The following SLIT3 variants were observed in gnomAD, a reference collection of about 807,000 sequenced individuals.
The protein encoded by SLIT3 is slit guidance ligand 3.
In SLIT3, 68 loss-of-function variants were observed where a neutral mutation model predicts 184.0. That is an observed-to-expected ratio of 0.37 (90% confidence interval 0.30 to 0.45). The LOEUF (loss-of-function observed/expected upper bound fraction) is 0.45, where lower values mean the gene tolerates loss of function less well. Ranked by LOEUF, SLIT3 falls within the 20% of genes least tolerant of loss-of-function variation. SLIT3 has a pLI of 1.00. For missense variants in SLIT3, 1,707 were observed against 2,026.0 expected (o/e 0.84, Z 3.02); for synonymous variants, 831 against 828.6 (o/e 1.00, Z -0.05).
At position 169,128,225 on chromosome 5, in the gene SLIT3, A is replaced by ATT. The variant is rs552776172; in HGVS notation, c.413+65252_413+65253dup. Reference sequence around the variant, plus strand: ...ATTTTCTTTGGGACACGGGTCATGGATTATATATATACACACACACACATT... The same window carrying ATT: ...ATTTTCTTTGGGACACGGGTCATGGATTTTATATATATACACACACACACATT... On this transcript the variant is annotated intron_variant, in intron 4 of 35. Transcript: ENST00000519560. Among the ~76,000 whole-genome samples, 469 of 148,578 alleles carry ATT rather than the reference A, an allele frequency of 3.2e-3. 2 individuals carry two copies. The highest frequency in any genetic ancestry group is 0.011 in the African/African-American group (446 of 40,832).
chr5:169,001,524 T>C (rs998070902), intron 4 of SLIT3, among the ~76,000 whole-genome samples: 2 of 152,216 alleles, frequency 1.3e-5, no homozygotes, highest in South Asian at 2.1e-4. Flanking sequence ...TTTTGACTTG[T>C]TATGAGAGTG....
At chr5:169,236,411 C>G (rs1405839611) in intron 3 of SLIT3, among the ~76,000 whole-genome samples, 2 of 152,088 alleles carry the variant, frequency 1.3e-5, no homozygotes, top group Middle Eastern at 3.5e-3. Flanking sequence ...TGGGCATGCT[C>G]ATTGCTACTC....
intron 5 of SLIT3, among the ~76,000 whole-genome samples, chr5:168,881,111 C>G (rs1021002225): frequency 6.6e-6 from 1 of 152,130 alleles, no homozygotes; most frequent in African/African-American, 2.4e-5. Flanking sequence ...CCTTCTTCCC[C>G]GCAAGCCCAG....
chr5:169,238,578 T>C (rs2113567152), intron 3 of SLIT3, among the ~76,000 whole-genome samples: 1 of 144,410 alleles, frequency 6.9e-6, no homozygotes, highest in East Asian at 2.1e-4. Flanking sequence ...TTTAAGACTC[T>C]AGAGCTCATT....
intron 6 of SLIT3, among the ~76,000 whole-genome samples, chr5:168,834,778 G>C (rs1393611056): frequency 7.3e-6 from 1 of 137,328 alleles, no homozygotes; most frequent in Non-Finnish European, 1.5e-5. Context: ...TTTACTGCTA[G>C]AAAAGACACT....
At chr5:169,199,895 A>G (rs1172921237) in intron 3 of SLIT3, among the ~76,000 whole-genome samples, 1 of 152,234 alleles carries the variant, frequency 6.6e-6, no homozygotes, top group Non-Finnish European at 1.5e-5. Context: ...CATCAGGCAC[A>G]CAAAGAACCT....
chr5:168,808,402 C>T (rs1168515339), intron 8 of SLIT3, among the ~76,000 whole-genome samples: 1 of 152,086 alleles, frequency 6.6e-6, no homozygotes, highest in Non-Finnish European at 1.5e-5. Flanking sequence ...ATCATTTCAT[C>T]ATTATTTCCC....
intron 1 of SLIT3, chr5:169,263,565 A>G (rs763803999): frequency 2.7e-5 from 12 of 448,446 alleles, no homozygotes; most frequent in African/African-American, 8.7e-5. Context: ...GTCTGAAAGG[A>G]TGATTGCTGT....
chr5:168,700,783 G>A, intron 26 of SLIT3, 104 bp from the exon 27 acceptor site: 1 of 825,602 alleles, frequency 1.2e-6, no homozygotes, highest in Non-Finnish European at 2.0e-6. Context: ...TGAGGCTGGG[G>A]AGATGACAAC....
At chr5:168,927,590 T>C (rs984562183) in intron 4 of SLIT3, among the ~76,000 whole-genome samples, 2 of 152,196 alleles carry the variant, frequency 1.3e-5, no homozygotes, top group African/African-American at 2.4e-5. Context: ...CGGAGACCCC[T>C]GGGATCCAAT....
chr5:168,959,959 G>A (rs1029961957), intron 4 of SLIT3, among the ~76,000 whole-genome samples: 2 of 152,306 alleles, frequency 1.3e-5, no homozygotes, highest in East Asian at 3.9e-4. Context: ...CGAAGGCTCA[G>A]GGAGGTTAAC....
In SLIT3 at chr5:168,666,598, C is replaced by CATG; in HGVS notation, c.4425_4427dup (p.Ile1475dup). The CATG allele has an allele frequency of 6.2e-7, 1 of 1,614,196 alleles. No homozygotes were observed. The highest frequency in any genetic ancestry group is 1.1e-5 in the South Asian group (1 of 91,090). ...GGGGCCCACAGCCCCCACGACATTC[C>CATG]ATGATGGGCACCTTGGAGGCTGTGG... On this transcript the variant is annotated inframe_insertion, in exon 36 of 36. Coordinates refer to ENST00000519560, the MANE Select transcript of SLIT3 (RefSeq NM_003062.4).
intron 9 of SLIT3, among the ~76,000 whole-genome samples, chr5:168,804,764 G>A (rs1756898871): frequency 6.6e-6 from 1 of 152,106 alleles, no homozygotes; most frequent in African/African-American, 2.4e-5. Flanking sequence ...AAGAAGCGAA[G>A]TCTCCACTCC....
rs550689455 is a variant in SLIT3, at chr5:169,235,366, C to A, written c.341+9339G>T. 2.2e-4 allele frequency among the ~76,000 whole-genome samples: 33 copies of A among 152,230 alleles called. No individual in the cohort carries two copies. The East Asian group carries it at 4.4e-3, about 20-fold the overall frequency. The stretch of plus-strand genomic sequence containing the variant: ...TTATTTTGCTCGTAAGTCTGTAAAT[C>A]AAGAAGGGTTTCATGGGTCAGCATA... On this transcript the variant is annotated intron_variant, in intron 3 of 35. Transcript: ENST00000519560.
At chr5:168,982,461 G>A (rs890340572) in intron 4 of SLIT3, among the ~76,000 whole-genome samples, 2 of 152,160 alleles carry the variant, frequency 1.3e-5, no homozygotes, top group Admixed American at 6.5e-5. Context: ...CCAGCCTCCA[G>A]AACTGAAGGA....
chr5:169,234,355 G>C (rs1765117320), intron 3 of SLIT3, among the ~76,000 whole-genome samples: 1 of 152,180 alleles, frequency 6.6e-6, no homozygotes, highest in Admixed American at 6.5e-5. Context: ...TGGAAGTGTT[G>C]ACTGTGTCTG....
intron 5 of SLIT3, among the ~76,000 whole-genome samples, chr5:168,861,313 C>T (rs547341597): frequency 2.0e-5 from 3 of 151,378 alleles, no homozygotes; most frequent in East Asian, 2.0e-4. Context: ...GTGAATATGA[C>T]GTATTTCTTA....
At chr5:169,254,087 A>T (rs1224304162) in intron 1 of SLIT3, among the ~76,000 whole-genome samples, 1 of 152,122 alleles carries the variant, frequency 6.6e-6, no homozygotes, top group Non-Finnish European at 1.5e-5. Context: ...TCTAGCCCCC[A>T]ACTCCACACA....
chr5:168,728,483 T>TGCCA (rs1163945118), intron 20 of SLIT3, among the ~76,000 whole-genome samples: 2 of 151,946 alleles, frequency 1.3e-5, no homozygotes, highest in Non-Finnish European at 2.9e-5. Context: ...TTCCTTGAAA[T>TGCCA]GCCAGGTAAA....
Sources: gnomAD v4.1 joint callset for allele counts (sites outside exome capture counted in the v4.1 genomes callset) on GRCh38, gnomAD v4.1.1 for gene constraint, MANE v1.5 for transcripts, NCBI Gene and HGNC (gene_info 2026-07-23, HGNC 2026-07-21) for gene names.